The following P2RY8 variants were observed in gnomAD, a reference collection of about 807,000 sequenced individuals.
P2RY8 encodes P2Y receptor family member 8.
P2RY8 carries 6 observed loss-of-function variants against 10.0 expected under a neutral mutation model. The ratio of observed to expected loss-of-function variants is 0.60; its 90% confidence interval spans 0.33 to 1.19. The LOEUF (loss-of-function observed/expected upper bound fraction) is 1.19. P2RY8 is among the 50% of genes most tolerant of loss of function. The pLI, the probability that P2RY8 is intolerant of heterozygous loss-of-function variation, is 0.04. For synonymous variants in P2RY8, 276 were observed against 252.5 expected (o/e 1.09, Z -0.88); for missense variants, 456 against 542.0 (o/e 0.84, Z 1.58).
intron 1 of P2RY8, among the ~76,000 whole-genome samples, chrX:1,479,220 G>A (rs2091909678): frequency 6.6e-6 from 1 of 152,208 alleles, no homozygotes; most frequent in Non-Finnish European, 1.5e-5. Context: ...GTTTGCTCTG[G>A]AGCCTCCTTT....
intron 1 of P2RY8, among the ~76,000 whole-genome samples, chrX:1,531,931 G>A (rs1427193680): frequency 1.3e-5 from 2 of 152,102 alleles, no homozygotes; most frequent in Non-Finnish European, 2.9e-5. Flanking sequence ...TGGATGTGGC[G>A]AACAGGGAAC....
At chrX:1,521,035 T>TTTC (rs1491414313) in intron 1 of P2RY8, among the ~76,000 whole-genome samples, 2 of 4,766 alleles carry the variant, frequency 4.2e-4, no homozygotes, top group African/African-American at 9.6e-4. Flanking sequence ...TTTTCTTTTC[T>TTTC]TTTTTTTTTT....
intron 1 of P2RY8, among the ~76,000 whole-genome samples, chrX:1,503,231 C>G (rs1204529564): frequency 6.6e-6 from 1 of 152,218 alleles, no homozygotes; most frequent in Non-Finnish European, 1.5e-5. Context: ...TCCCCTAGAG[C>G]TCCTTGAGGG....
At chrX:1,486,936 C>A (rs2091991325) in intron 1 of P2RY8, among the ~76,000 whole-genome samples, 1 of 152,200 alleles carries the variant, frequency 6.6e-6, no homozygotes, top group South Asian at 2.1e-4. Context: ...CCAGGCTGAC[C>A]CTTTCTCCCC....
chrX:1,529,538 A>G (rs750037990), intron 1 of P2RY8, among the ~76,000 whole-genome samples: 2 of 152,106 alleles, frequency 1.3e-5, no homozygotes, highest in South Asian at 2.1e-4. Flanking sequence ...GAGCCTGGGA[A>G]GATGCTCAGT....
chrX:1,478,887 C>T (rs1174910302), intron 1 of P2RY8, among the ~76,000 whole-genome samples: 1 of 152,024 alleles, frequency 6.6e-6, no homozygotes, highest in Non-Finnish European at 1.5e-5. Flanking sequence ...AGCCTCCTGC[C>T]CCCTGCTGTC....
chrX:1,467,661 C>G (rs1458306418), intron 1 of P2RY8, among the ~76,000 whole-genome samples: 1 of 152,174 alleles, frequency 6.6e-6, no homozygotes, highest in Non-Finnish European at 1.5e-5. Context: ...AACAGGGGTG[C>G]CCTGGAATTG....
At chrX:1,484,878 T>C (rs1192003269) in intron 1 of P2RY8, among the ~76,000 whole-genome samples, 3 of 151,764 alleles carry the variant, frequency 2.0e-5, no homozygotes, top group Non-Finnish European at 2.9e-5. Flanking sequence ...CTCAAATAGT[T>C]AACCATGTCA....
At chrX:1,524,624 T>TCCATCCA (rs2092422531) in intron 1 of P2RY8, among the ~76,000 whole-genome samples, 1 of 125,044 alleles carries the variant, frequency 8.0e-6, no homozygotes. Context: ...CATCCATCCA[T>TCCATCCA]TCATCCATCC....
intron 1 of P2RY8, among the ~76,000 whole-genome samples, chrX:1,491,198 T>A (rs1295096598): frequency 6.6e-6 from 1 of 150,938 alleles, no homozygotes; most frequent in Non-Finnish European, 1.5e-5. Flanking sequence ...AATGAATGAA[T>A]GATACCCAGA....
chrX:1,516,034 AAAAAT>A, intron 1 of P2RY8, among the ~76,000 whole-genome samples: 1 of 149,164 alleles, frequency 6.7e-6, no homozygotes, highest in Admixed American at 6.7e-5. Context: ...AAAAAAAAAA[AAAAAT>A]ACTAAAAATT....
rs190063069 is a variant in P2RY8, at chrX:1,498,048, A to T, written c.-24-31466T>A. On this transcript the variant is annotated intron_variant, in intron 1 of 1. Transcript: ENST00000381297. ...AAGACCAACTGCTCCCTGCGAGCTG[A>T]TTCCTGGTTTGCCCTGGAGACTCAA... 6.6e-5 allele frequency among the ~76,000 whole-genome samples: 10 copies of T among 152,242 alleles called. 1 individual carries two copies. The East Asian group carries it at 1.9e-3, about 29-fold the overall frequency.
intron 1 of P2RY8, among the ~76,000 whole-genome samples, chrX:1,475,156 T>A (rs1369342712): frequency 6.8e-6 from 1 of 146,688 alleles, no homozygotes; most frequent in East Asian, 2.0e-4. Flanking sequence ...GGTGGCTGGA[T>A]TTATGGGTGG....
chrX:1,469,185 T>G (rs2091748450), intron 1 of P2RY8, among the ~76,000 whole-genome samples: 1 of 137,094 alleles, frequency 7.3e-6, no homozygotes, highest in Non-Finnish European at 1.6e-5. Flanking sequence ...CTCCCCTCTT[T>G]TCTTTTCGCA....
intron 1 of P2RY8, 140 bp from the exon 2 acceptor site, chrX:1,466,722 C>G: frequency 1.4e-6 from 1 of 704,214 alleles, no homozygotes; most frequent in Admixed American, 3.0e-5. Flanking sequence ...CTCCCTCCCT[C>G]CCTCCCTTAG....
At chrX:1,516,243 A>C (rs1478829880) in intron 1 of P2RY8, among the ~76,000 whole-genome samples, 1 of 148,472 alleles carries the variant, frequency 6.7e-6, no homozygotes, top group Non-Finnish European at 1.5e-5. Context: ...GAGACCGCAG[A>C]GCATCCACGT....
intron 1 of P2RY8, among the ~76,000 whole-genome samples, chrX:1,493,785 G>T (rs774495994): frequency 6.6e-6 from 1 of 152,270 alleles, no homozygotes; most frequent in African/African-American, 2.4e-5. Flanking sequence ...CGGACAAGAC[G>T]ATTTTGCTCT....
intron 1 of P2RY8, among the ~76,000 whole-genome samples, chrX:1,511,712 C>T (rs5989661): frequency 0.34 from 51,030 of 151,970 alleles, 8,698 homozygotes; most frequent in South Asian, 0.36. Context: ...TTGACACCTT[C>T]CATTCTCTTG....
intron 1 of P2RY8, among the ~76,000 whole-genome samples, chrX:1,529,516 G>A (rs1470208088): frequency 2.6e-5 from 4 of 151,990 alleles, no homozygotes; most frequent in African/African-American, 9.7e-5. Flanking sequence ...TACTCCTGGG[G>A]CGTGGTGGGT....
Sources: allele counts gnomAD v4.1 joint callset (sites outside exome capture counted in the v4.1 genomes callset), GRCh38; gene constraint gnomAD v4.1.1; transcripts MANE v1.5; gene names NCBI Gene and HGNC (gene_info 2026-07-23, HGNC 2026-07-21).